The following FOXP2 variants were observed in gnomAD, a reference collection of about 807,000 sequenced individuals.
The protein encoded by FOXP2 is forkhead box protein P2.
In FOXP2, 12 loss-of-function variants were observed where a neutral mutation model predicts 115.8. The observed-to-expected ratio is 0.10, with a 90% CI of 0.07 to 0.17. The LOEUF (loss-of-function observed/expected upper bound fraction) is 0.17. Ranked by LOEUF, FOXP2 falls within the 10% of genes least tolerant of loss-of-function variation. FOXP2 has a pLI of 1.00. For synonymous variants in FOXP2, 328 were observed against 297.7 expected (o/e 1.10, Z -1.05); for missense variants, 629 against 843.5 (o/e 0.75, Z 3.15).
chr7:114,328,732 T>C (rs1270996142), intron 2 of FOXP2, among the ~76,000 whole-genome samples: 5 of 152,232 alleles, frequency 3.3e-5, no homozygotes, highest in Admixed American at 2.0e-4. Flanking sequence ...CTGAAATACA[T>C]GCCCTATACT....
intron 1 of FOXP2, among the ~76,000 whole-genome samples, chr7:114,154,320 A>G (rs1244669856): frequency 6.6e-6 from 1 of 152,102 alleles, no homozygotes. Flanking sequence ...TGTCAGGGCA[A>G]TATAGATAAG....
intron 2 of FOXP2, among the ~76,000 whole-genome samples, chr7:114,475,800 T>C (rs1796230610): frequency 6.6e-6 from 1 of 151,866 alleles, no homozygotes; most frequent in South Asian, 2.1e-4. Flanking sequence ...CCGTTTCTAA[T>C]TTAAGCATTG....
chr7:114,429,337 C>T (rs1280341770), intron 2 of FOXP2, among the ~76,000 whole-genome samples: 3 of 151,330 alleles, frequency 2.0e-5, no homozygotes, highest in South Asian at 4.1e-4. Flanking sequence ...ATGGTAGCCA[C>T]ATCTCTGTTA....
rs568963622 is a variant in FOXP2, at chr7:114,298,690, C to G, written c.-11+10581C>G. Among the ~76,000 whole-genome samples, 4 of 152,306 alleles carry G rather than the reference C, an allele frequency of 2.6e-5. No individual in the cohort carries two copies. The East Asian group carries it at 7.7e-4, about 29-fold the overall frequency. On this transcript the variant is annotated intron_variant, in intron 2 of 17. Transcript: ENST00000634411. ...GAACTAAGGCAGTTTAGCTTCAAAT[C>G]TCTCCAGTAGTCTATTGCCCAGGAC...
At chr7:114,660,789 T>A (rs904394502) in intron 13 of FOXP2, among the ~76,000 whole-genome samples, 1 of 152,284 alleles carries the variant, frequency 6.6e-6, no homozygotes, top group East Asian at 1.9e-4. Context: ...CATTAGATAA[T>A]GTAGTGAATG....
Position 114,507,159 on chromosome 7 carries a change from C to A in FOXP2, c.169-27458C>A, listed in dbSNP as rs185333773. ...TGAAATTAGATTCTTACCCCTACCC[C>A]CCCCAAATAAACCAAAAACAAACTT... is the stretch of plus-strand genomic sequence containing the variant. On this transcript the variant is annotated intron_variant, in intron 2 of 16. Coordinates refer to ENST00000350908, the MANE Select transcript of FOXP2 (RefSeq NM_014491.4). Among the ~76,000 whole-genome samples the A allele has an allele frequency of 1.4e-4, 21 of 151,690 alleles. 1 individual carries two copies. The East Asian group carries it at 3.9e-3, about 28-fold the overall frequency.
chr7:114,469,851 A>G (rs1238249827), intron 2 of FOXP2, among the ~76,000 whole-genome samples: 1 of 152,204 alleles, frequency 6.6e-6, no homozygotes, highest in Non-Finnish European at 1.5e-5. Flanking sequence ...ATCATTTGTT[A>G]TATTTAATTC....
chr7:114,182,760 TTAA>T (rs1365704780), intron 1 of FOXP2, among the ~76,000 whole-genome samples: 3 of 152,092 alleles, frequency 2.0e-5, no homozygotes, highest in Non-Finnish European at 4.4e-5. Flanking sequence ...CCTGTTGAAT[TTAA>T]TAATATGTTC....
intron 3 of FOXP2, among the ~76,000 whole-genome samples, chr7:114,625,752 A>G (rs1330115667): frequency 6.6e-6 from 1 of 151,622 alleles, no homozygotes; most frequent in East Asian, 1.9e-4. Flanking sequence ...TGTAGAAAAA[A>G]CTAGTTTTTT....
chr7:114,269,858 C>T (rs568122356), intron 1 of FOXP2, among the ~76,000 whole-genome samples: 44 of 152,218 alleles, frequency 2.9e-4, no homozygotes, highest in Non-Finnish European at 5.9e-4. Context: ...CACTAGAGCT[C>T]TATGTTTGCA....
At chr7:114,492,543 G>A (rs936106775) in intron 2 of FOXP2, among the ~76,000 whole-genome samples, 3 of 151,768 alleles carry the variant, frequency 2.0e-5, no homozygotes, top group Non-Finnish European at 4.4e-5. Context: ...TCTCTTGTGG[G>A]CATTTAGTTC....
chr7:114,373,335 T>A (rs1309463774), intron 2 of FOXP2, among the ~76,000 whole-genome samples: 2 of 152,106 alleles, frequency 1.3e-5, no homozygotes, highest in African/African-American at 4.8e-5. Flanking sequence ...AAACTATTTT[T>A]AAGTTGCAAA....
At chr7:114,244,034 C>A (rs1795218915) in intron 1 of FOXP2, among the ~76,000 whole-genome samples, 1 of 151,562 alleles carries the variant, frequency 6.6e-6, no homozygotes, top group Non-Finnish European at 1.5e-5. Flanking sequence ...TTTTCTTTGG[C>A]TCTAGAATGT....
chr7:114,553,106 C>T (rs566838029), intron 3 of FOXP2, among the ~76,000 whole-genome samples: 1 of 151,796 alleles, frequency 6.6e-6, no homozygotes, highest in African/African-American at 2.4e-5. Flanking sequence ...TAGGAAAAAC[C>T]CTTGATCCTA....
chr7:114,141,139 G>A (rs1310082716), intron 1 of FOXP2, among the ~76,000 whole-genome samples: 1 of 152,046 alleles, frequency 6.6e-6, no homozygotes, highest in South Asian at 2.1e-4. Context: ...GAAAAGAAAG[G>A]CCCATATTTA....
At chr7:114,111,356 C>G (rs1213925527) in intron 1 of FOXP2, among the ~76,000 whole-genome samples, 1 of 152,052 alleles carries the variant, frequency 6.6e-6, no homozygotes, top group African/African-American at 2.4e-5. Context: ...AGAGACTTAC[C>G]ACAAGGGCCC....
At chr7:114,627,097 G>T (rs1194451459) in intron 3 of FOXP2, among the ~76,000 whole-genome samples, 3 of 150,466 alleles carry the variant, frequency 2.0e-5, no homozygotes, top group African/African-American at 7.3e-5. Context: ...GATTTATTTA[G>T]TTCTTTATTT....
intron 2 of FOXP2, among the ~76,000 whole-genome samples, chr7:114,447,727 C>T (rs1160856256): frequency 6.6e-6 from 1 of 152,110 alleles, no homozygotes; most frequent in Non-Finnish European, 1.5e-5. Flanking sequence ...TCTACCTACC[C>T]CCGACCCATA....
At chr7:114,356,138 C>A (rs11768201) in intron 2 of FOXP2, among the ~76,000 whole-genome samples, 13,567 of 152,062 alleles carry the variant, frequency 0.089, 673 homozygotes, top group Middle Eastern at 0.16. Context: ...AAAAACTAGC[C>A]TTGTTGTTCT....
Sources: gnomAD v4.1 joint callset for allele counts (sites outside exome capture counted in the v4.1 genomes callset) on GRCh38, gnomAD v4.1.1 for gene constraint, MANE v1.5 for transcripts, NCBI Gene and HGNC (gene_info 2026-07-23, HGNC 2026-07-21) for gene names.